STPG1: variants seen among roughly 807,000 people sequenced by gnomAD.
The protein encoded by STPG1 is O(6)-methylguanine-induced apoptosis 2.
In STPG1, 33 loss-of-function variants were observed where a neutral mutation model predicts 40.1. That is an observed-to-expected ratio of 0.82 (90% CI 0.62 to 1.10). The LOEUF (loss-of-function observed/expected upper bound fraction) is 1.10. Ranked by LOEUF, STPG1 falls within the 50% of genes least tolerant of loss-of-function variation. The probability of loss-of-function intolerance (pLI) is 0.00; values close to 1 mark genes in which losing one functional copy is unlikely to be tolerated. For synonymous variants in STPG1, 150 were observed against 155.0 expected, an observed-to-expected ratio of 0.97 and a Z score of 0.24; for missense variants, 396 against 415.1, an observed-to-expected ratio of 0.95 and a Z score of 0.40.
chr1:24,364,335 C>G, intron 7 of STPG1: 2 of 1,548,814 alleles, frequency 1.3e-6, no homozygotes, highest in South Asian at 2.4e-5. Context: ...GCCCCACCAC[C>G]GTCAACAGCC....
intron 7 of STPG1, 113 bp from the exon 8 acceptor site, chr1:24,361,154 T>C: frequency 9.8e-7 from 1 of 1,020,920 alleles, no homozygotes; most frequent in Non-Finnish European, 1.4e-6. Context: ...AGAGGACTGG[T>C]CACGGCACTG....
chr1:24,392,450 T>A (rs1389285434), intron 2 of STPG1, among the ~76,000 whole-genome samples: 1 of 152,204 alleles, frequency 6.6e-6, no homozygotes, highest in Non-Finnish European at 1.5e-5. Flanking sequence ...CACCACTCCC[T>A]CATTCCCTTC....
intron 3 of STPG1, among the ~76,000 whole-genome samples, chr1:24,385,047 C>T (rs943406873): frequency 2.0e-5 from 3 of 152,142 alleles, no homozygotes; most frequent in South Asian, 4.1e-4. Flanking sequence ...AGAGCTGAAC[C>T]GAGACAGCCC....
intron 7 of STPG1, chr1:24,364,128 A>G (rs1641294602): frequency 6.8e-7 from 1 of 1,467,554 alleles, no homozygotes. Flanking sequence ...TCTGTGAGAA[A>G]CACCAACTTT....
rs556580229 is a variant in STPG1 at position 24,357,750 on chromosome 1, T to C, written c.*793A>G. ...CCTCCACCAAAACCACTAGGGCACA[T>C]TTCTTTTTCCCTCCACATAGAGAGA... On this transcript the variant is annotated 3_prime_UTR_variant, in exon 9 of 9. Coordinates refer to ENST00000337248, the MANE Select transcript of STPG1 (RefSeq NM_001199013.2). The C allele has an allele frequency of 5.7e-4, 102 of 180,482 alleles. 1 individual carries two copies. The highest frequency in any genetic ancestry group is 1.6e-4 in the Non-Finnish European group (13 of 82,290). 11.2% of individuals were successfully genotyped at this position (180,482 alleles called of 1,614,324 possible).
intron 2 of STPG1, among the ~76,000 whole-genome samples, chr1:24,395,831 A>C (rs552171404): frequency 2.0e-5 from 3 of 152,206 alleles, no homozygotes; most frequent in South Asian, 4.1e-4. Flanking sequence ...CCTCCTCACC[A>C]AATTAGCCAG....
intron 3 of STPG1, among the ~76,000 whole-genome samples, chr1:24,388,036 A>G (rs191725574): frequency 1.3e-5 from 2 of 152,338 alleles, no homozygotes; most frequent in African/African-American, 2.4e-5. Flanking sequence ...TGGTATTAAC[A>G]TATATTTTTA....
chr1:24,369,441 A>G (rs1337851930), intron 7 of STPG1: 2 of 660,762 alleles, frequency 3.0e-6, no homozygotes, highest in African/African-American at 3.6e-5. Flanking sequence ...TTACAACAGG[A>G]TTATAATAAT....
At chr1:24,393,267 A>G (rs1335234808) in intron 2 of STPG1, among the ~76,000 whole-genome samples, 1 of 152,248 alleles carries the variant, frequency 6.6e-6, no homozygotes, top group Non-Finnish European at 1.5e-5. Flanking sequence ...TGGAGGATGA[A>G]GCAAGTAAAA....
At chr1:24,382,962 A>C (rs1248334101) in intron 4 of STPG1, among the ~76,000 whole-genome samples, 2 of 137,522 alleles carry the variant, frequency 1.5e-5, no homozygotes, top group Non-Finnish European at 3.0e-5. Flanking sequence ...CCCAGGCTGG[A>C]GTGTGATGGT....
intron 3 of STPG1, among the ~76,000 whole-genome samples, chr1:24,389,132 T>C (rs773571445): frequency 8.5e-5 from 13 of 152,232 alleles, no homozygotes; most frequent in Non-Finnish European, 1.8e-4. Flanking sequence ...TATTCGATGC[T>C]GCCTGTAGGT....
At chr1:24,382,441 C>T (rs1642328054) in intron 4 of STPG1, among the ~76,000 whole-genome samples, 1 of 152,166 alleles carries the variant, frequency 6.6e-6, no homozygotes, top group Non-Finnish European at 1.5e-5. Context: ...CAGGGAGTCT[C>T]CACTTTCATG....
chr1:24,367,515 A>G (rs1641531564), intron 7 of STPG1, among the ~76,000 whole-genome samples: 2 of 152,078 alleles, frequency 1.3e-5, no homozygotes, highest in South Asian at 4.1e-4. Context: ...TTATAAGGGT[A>G]ATAGCTATTT....
intron 7 of STPG1, among the ~76,000 whole-genome samples, chr1:24,367,970 CA>C (rs1641554415): frequency 6.6e-6 from 1 of 152,160 alleles, no homozygotes. Context: ...CGGCCAACTC[CA>C]ACACCTGTCC....
At position 24,407,751 on chromosome 1, in the gene STPG1, C is replaced by T. The variant is rs1040035434; in HGVS notation, c.-69+5923G>A. On this transcript the variant is annotated intron_variant, in intron 1 of 8. Transcript: ENST00000337248. ...ATGCCCGGCCAAGTTCACTGATCTT[C>T]TGAAGTCTCATCAGCTGCAAATCCC... is the stretch of plus-strand genomic sequence containing the variant. Among the ~76,000 whole-genome samples, 7 of 152,122 alleles carry T rather than the reference C, an allele frequency of 4.6e-5. No individual in the cohort carries two copies. In the South Asian group the frequency reaches 1.0e-3, roughly 23 times the overall value.
In STPG1 at chr1:24,357,399, T is replaced by TA. The variant is rs1640794886; in HGVS notation, c.*1143_*1144insT. 10 of 152,416 alleles carry TA rather than the reference T, an allele frequency of 6.6e-5. No individual in the cohort carries two copies. Among genetic ancestry groups the TA allele is most frequent in the Non-Finnish European group, 1.0e-4 (7 of 68,230 alleles). The allele number at this position is 152,416 out of a possible 1,614,324, so 9.4% of individuals were successfully genotyped here. On this transcript the variant is annotated 3_prime_UTR_variant, in exon 9 of 9. Coordinates refer to ENST00000337248, the MANE Select transcript of STPG1 (RefSeq NM_001199013.2). ...CAGTTAGGAAGCTGGAAGGTGGCGC[T>TA]TCTCAACCTACACCTATCATTGGAA...
At chr1:24,382,309 G>A (rs906304469) in intron 4 of STPG1, among the ~76,000 whole-genome samples, 2 of 152,212 alleles carry the variant, frequency 1.3e-5, no homozygotes, top group African/African-American at 4.8e-5. Flanking sequence ...GAAAACCTAG[G>A]TGTTGCAGGA....
chr1:24,389,285 A>G (rs1045720012), intron 3 of STPG1, among the ~76,000 whole-genome samples: 8 of 152,094 alleles, frequency 5.3e-5, no homozygotes, highest in Non-Finnish European at 8.8e-5. Flanking sequence ...GGGCCCATCC[A>G]CGGTAGCTGA....
In STPG1 at chr1:24,360,881, C is replaced by T. The variant is rs138744711; in HGVS notation, c.898G>A (p.Ala300Thr). ...FVSNTSRWTA[A>T]PPQPGLPGPA... ...CCAGGCAGGCCTGGCTGAGGCGGCG[C>T]CGCTGTCCACCGGCTGGTATTGGAC... The change falls in exon 8 of 9, where the codon GCG becomes ACG. Residue 300 changes from alanine to threonine, a missense_variant. By Grantham distance (58) the Ala-to-Thr change is moderately conservative. Coordinates refer to ENST00000337248, the MANE Select transcript of STPG1 (RefSeq NM_001199013.2). 6.7e-3 allele frequency: 10,782 copies of T among 1,613,472 alleles called. 56 individuals are homozygous for T. Among genetic ancestry groups the T allele is most frequent in the Non-Finnish European group, 8.4e-3 (9,910 of 1,179,754 alleles).
Sources: allele counts gnomAD v4.1 joint callset (sites outside exome capture counted in the v4.1 genomes callset), GRCh38; gene constraint gnomAD v4.1.1; transcripts MANE v1.5; gene names NCBI Gene and HGNC (gene_info 2026-07-23, HGNC 2026-07-21).